The following HECW1 variants were observed in gnomAD, a reference collection of about 807,000 sequenced individuals.
HECW1 encodes HECT, C2 and WW domain containing E3 ubiquitin protein ligase 1.
Under a neutral mutation model 182.3 loss-of-function variants are expected in HECW1, and 61 were observed. The ratio of observed to expected loss-of-function variants is 0.33; its 90% confidence interval spans 0.27 to 0.41. HECW1 has a LOEUF of 0.41. HECW1 is among the 10% of genes least tolerant of loss of function. The pLI is 1.00. For synonymous variants in HECW1, 859 were observed against 832.6 expected (o/e 1.03, Z -0.55); for missense variants, 1,739 against 2,108.9 (o/e 0.82, Z 3.44).
intron 5 of HECW1, among the ~76,000 whole-genome samples, chr7:43,347,152 T>C (rs1370132494): frequency 6.6e-6 from 1 of 152,246 alleles, no homozygotes; most frequent in Non-Finnish European, 1.5e-5. Flanking sequence ...TTTGTTTGTG[T>C]CATCTGTGAT....
chr7:43,241,770 A>G (rs917755906), intron 2 of HECW1, among the ~76,000 whole-genome samples: 8 of 152,080 alleles, frequency 5.3e-5, no homozygotes, highest in African/African-American at 1.7e-4. Context: ...TTCTGAGTCA[A>G]TTTTGCAAGA....
At chr7:43,135,030 A>G (rs1346417686) in intron 2 of HECW1, among the ~76,000 whole-genome samples, 1 of 151,816 alleles carries the variant, frequency 6.6e-6, no homozygotes, top group Non-Finnish European at 1.5e-5. Context: ...ATCTTTACTT[A>G]TTATATTTTT....
intron 6 of HECW1, among the ~76,000 whole-genome samples, chr7:43,387,956 G>C (rs2074866181): frequency 6.6e-6 from 1 of 152,200 alleles, no homozygotes; most frequent in Non-Finnish European, 1.5e-5. Flanking sequence ...TTTAGAACAT[G>C]TATTATGTGA....
chr7:43,536,204 G>A (rs2081172917), intron 24 of HECW1, among the ~76,000 whole-genome samples: 1 of 152,210 alleles, frequency 6.6e-6, no homozygotes, highest in Non-Finnish European at 1.5e-5. Context: ...GTGGTCTCAG[G>A]TCTAAATGGG....
chr7:43,320,590 G>C, intron 4 of HECW1, 45 bp from the exon 5 acceptor site: 5 of 1,298,978 alleles, frequency 3.8e-6, no homozygotes. Context: ...ATATGCTGTT[G>C]ACTGATATGT....
chr7:43,355,256 A>G (rs1305363412), intron 5 of HECW1, among the ~76,000 whole-genome samples: 1 of 152,224 alleles, frequency 6.6e-6, no homozygotes, highest in African/African-American at 2.4e-5. Context: ...TCCACTAGTA[A>G]AATTAAGTAC....
chr7:43,429,456 AC>A (rs932133921), intron 8 of HECW1, among the ~76,000 whole-genome samples: 3 of 151,628 alleles, frequency 2.0e-5, no homozygotes, highest in African/African-American at 7.3e-5. Context: ...TTCTCCCATG[AC>A]CAGACTCCAA....
chr7:43,234,457 G>T (rs937446166), intron 2 of HECW1, among the ~76,000 whole-genome samples: 2 of 151,430 alleles, frequency 1.3e-5, no homozygotes, highest in Non-Finnish European at 2.9e-5. Flanking sequence ...CCTCCCCTTT[G>T]TTCCCCATGT....
At chr7:43,273,697 T>A (rs976208887) in intron 3 of HECW1, among the ~76,000 whole-genome samples, 7 of 151,812 alleles carry the variant, frequency 4.6e-5, no homozygotes, top group Admixed American at 2.0e-4. Context: ...GGAAAAGAAA[T>A]CAGGATATTT....
chr7:43,300,866 A>C (rs928921284), intron 3 of HECW1, among the ~76,000 whole-genome samples: 1 of 152,130 alleles, frequency 6.6e-6, no homozygotes, highest in African/African-American at 2.4e-5. Context: ...CTGATGTGAG[A>C]GCTGCACACT....
At chr7:43,321,268 T>A (rs1466725422) in intron 5 of HECW1, among the ~76,000 whole-genome samples, 4 of 152,214 alleles carry the variant, frequency 2.6e-5, no homozygotes, top group Non-Finnish European at 5.9e-5. Flanking sequence ...TTTCTTTGAT[T>A]TTTAATCTAC....
At position 43,336,172 on chromosome 7, in the gene HECW1, C is replaced by CTT. The variant is rs1562854081; in HGVS notation, c.460+15431_460+15432insTT. On this transcript the variant is annotated intron_variant, in intron 5 of 29. Transcript: ENST00000395891. ...TCTCTCTCTCTCTCTCTCTCTCTCT[C>CTT]TCTCTCTCTCTCTCTCTCTCTCTCT... 4.7e-5 allele frequency among the ~76,000 whole-genome samples: 6 copies of CTT among 128,416 alleles called. No individual in the cohort carries two copies. In the East Asian group the frequency reaches 8.8e-4, roughly 19 times the overall value. 84.2% of individuals were successfully genotyped at this position (128,416 alleles called of 152,430 possible). A position where few individuals can be genotyped will look rare whatever the true frequency, so the allele number is the denominator to read the frequency against.
intron 2 of HECW1, 44 bp downstream of exon 2, chr7:43,114,435 T>C: frequency 7.5e-7 from 1 of 1,324,652 alleles, no homozygotes; most frequent in Non-Finnish European, 9.9e-7. Flanking sequence ...ATGTGTGTTT[T>C]CCACTAAGAA....
intron 19 of HECW1, 113 bp downstream of exon 19, chr7:43,493,293 A>G (rs1315530406): frequency 4.7e-6 from 3 of 639,462 alleles, no homozygotes; most frequent in Admixed American, 3.2e-5. Context: ...GTATTTGTGC[A>G]TTTAAATGAG....
rs547781408 is a variant in HECW1 at position 43,522,997 on chromosome 7, C to CTTGT, written c.4019+13895_4019+13898dup. On this transcript the variant is annotated intron_variant, in intron 24 of 29. Coordinates refer to ENST00000395891, the MANE Select transcript of HECW1 (RefSeq NM_015052.5). ...TGTTCTCTTTCCAAAGGTAGTTCTG[C>CTTGT]TTGTTTGTTTGTTTGTTTGTTTTGA... 814 of 437,888 alleles carry CTTGT rather than the reference C, an allele frequency of 1.9e-3. 4 individuals carry two copies. The highest frequency in any genetic ancestry group is 0.013 in the African/African-American group (650 of 49,404). The allele number at this position is 437,888 out of a possible 1,614,324, so 27.1% of individuals were successfully genotyped here.
At chr7:43,464,407 G>T (rs2077690268) in intron 14 of HECW1, among the ~76,000 whole-genome samples, 1 of 152,012 alleles carries the variant, frequency 6.6e-6, no homozygotes, top group Non-Finnish European at 1.5e-5. Context: ...CATTCACCTT[G>T]GTCTGGTTTT....
chr7:43,295,244 G>A (rs1805892898), intron 3 of HECW1, among the ~76,000 whole-genome samples: 1 of 152,134 alleles, frequency 6.6e-6, no homozygotes, highest in Non-Finnish European at 1.5e-5. Flanking sequence ...GAGAGAGGGA[G>A]GGAGGTGTAT....
intron 8 of HECW1, among the ~76,000 whole-genome samples, chr7:43,409,128 T>C (rs2075711592): frequency 6.6e-6 from 1 of 152,206 alleles, no homozygotes; most frequent in African/African-American, 2.4e-5. Flanking sequence ...ACCACCCCCT[T>C]CCTGGGCTTA....
At chr7:43,366,051 C>T (rs993623310) in intron 6 of HECW1, among the ~76,000 whole-genome samples, 1 of 151,078 alleles carries the variant, frequency 6.6e-6, no homozygotes, top group Non-Finnish European at 1.5e-5. Flanking sequence ...TGCAGTGAGC[C>T]GAGATCACAC....
Sources: gnomAD v4.1 joint callset for allele counts (sites outside exome capture counted in the v4.1 genomes callset) on GRCh38, gnomAD v4.1.1 for gene constraint, MANE v1.5 for transcripts, NCBI Gene and HGNC (gene_info 2026-07-23, HGNC 2026-07-21) for gene names.